ASTN2: variants seen among roughly 807,000 people sequenced by gnomAD.
ASTN2 encodes astrotactin 2, also known as astrotactin-2.
In ASTN2, 54 loss-of-function variants were observed where a neutral mutation model predicts 139.8. That is an observed-to-expected ratio of 0.39 (90% CI 0.31 to 0.48). ASTN2 has a LOEUF of 0.48. ASTN2 is among the 20% of genes least tolerant of loss of function. The pLI is 0.95. For synonymous variants in ASTN2, 756 were observed against 719.5 expected (o/e 1.05, Z -0.81); for missense variants, 1,565 against 1,725.1 (o/e 0.91, Z 1.64).
chr9:116,737,600 C>T (rs2132132570), intron 13 of ASTN2, among the ~76,000 whole-genome samples: 1 of 99,058 alleles, frequency 1.0e-5, no homozygotes, highest in South Asian at 3.8e-4. Flanking sequence ...TGCTGTAGCT[C>T]ATGTGCCAAC....
In ASTN2 at chr9:117,414,968, C is replaced by T. The variant is rs868857795; in HGVS notation, c.-30G>A. 1 of 239,208 alleles carries T rather than the reference C, an allele frequency of 4.2e-6. No individual in the cohort carries two copies. The highest frequency in any genetic ancestry group is 7.2e-6 in the Non-Finnish European group (1 of 138,564). The allele number at this position is 239,208 out of a possible 1,614,324, so 14.8% of individuals were successfully genotyped here. Reference sequence around the variant, plus strand: ...GGAGGGGCTGCGGTGCTGCGGGCGGCGGCGGCGGTGGCGGCGGTGGCGAAG... The same window carrying T: ...GGAGGGGCTGCGGTGCTGCGGGCGGTGGCGGCGGTGGCGGCGGTGGCGAAG... On this transcript the variant is annotated 5_prime_UTR_variant, in exon 1 of 23. Coordinates refer to ENST00000313400, the MANE Select transcript of ASTN2 (RefSeq NM_001365068.1). The surrounding 1 kb of genome is among the most constrained non-coding windows in gnomAD (Gnocchi z 4.2).
In ASTN2 at chr9:116,856,507, T is replaced by C. The variant is rs78578614; in HGVS notation, c.2040+7076A>G. ...TTTTGTTCCTTTAATTACACTGCAA[T>C]TGAGTCATTAAGAGGGGGAAAGGAT... is the stretch of plus-strand genomic sequence containing the variant. On this transcript the variant is annotated intron_variant, in intron 11 of 22. Coordinates refer to ENST00000313400, the MANE Select transcript of ASTN2 (RefSeq NM_001365068.1). Among the ~76,000 whole-genome samples, 96 of 152,230 alleles carry C rather than the reference T, an allele frequency of 6.3e-4. No homozygotes were observed. The East Asian group carries it at 0.018, about 29-fold the overall frequency.
intron 17 of ASTN2, among the ~76,000 whole-genome samples, chr9:116,625,932 G>A (rs985791302): frequency 3.3e-5 from 5 of 151,952 alleles, no homozygotes; most frequent in African/African-American, 1.2e-4. Context: ...TTATTTGTGT[G>A]TCCTCGCCTA....
chr9:116,697,795 T>A (rs1860942622), intron 16 of ASTN2: 1 of 1,614,058 alleles, frequency 6.2e-7, no homozygotes, highest in Non-Finnish European at 8.5e-7. Context: ...CGGGAAGTGC[T>A]AGAATGCCCC....
chr9:116,976,878 GC>G (rs1836355637), intron 7 of ASTN2, 93 bp from the exon 8 acceptor site: 1 of 1,142,108 alleles, frequency 8.8e-7, no homozygotes, highest in African/African-American at 1.5e-5. Context: ...CATAAAGTGA[GC>G]TGCTTAGTTT....
At chr9:116,973,427 C>G (rs1018533302) in intron 10 of ASTN2, among the ~76,000 whole-genome samples, 1 of 152,118 alleles carries the variant, frequency 6.6e-6, no homozygotes, top group Non-Finnish European at 1.5e-5. Context: ...ACAGTTCACA[C>G]TTGGTAGAGA....
intron 6 of ASTN2, among the ~76,000 whole-genome samples, chr9:117,028,039 T>C (rs1838146787): frequency 6.6e-6 from 1 of 152,118 alleles, no homozygotes; most frequent in African/African-American, 2.4e-5. Context: ...CCAAATCCCA[T>C]GTTCTTTCCC....
At chr9:117,128,177 C>T (rs1438351387) in intron 4 of ASTN2, among the ~76,000 whole-genome samples, 1 of 151,928 alleles carries the variant, frequency 6.6e-6, no homozygotes, top group South Asian at 2.1e-4. Flanking sequence ...CAGGGTCTGA[C>T]ATTCTGGCCA....
At chr9:116,482,649 G>A (rs763210828) in intron 20 of ASTN2, among the ~76,000 whole-genome samples, 86 of 151,916 alleles carry the variant, frequency 5.7e-4, no homozygotes, top group Admixed American at 2.2e-3. Context: ...ACTTGCTGTC[G>A]GACTCCCAAC....
At position 116,556,340 on chromosome 9, in the gene ASTN2, T is replaced by C. The variant is rs564955990; in HGVS notation, c.3355+61984A>G. ...ATGGTTTTTAAGCTGTAGGGCTCTT[T>C]AAAAGTGCCCAGAGGGCTGGACATG... On this transcript the variant is annotated intron_variant, in intron 19 of 22. Transcript: ENST00000313400. Among the ~76,000 whole-genome samples, 42 of 152,198 alleles carry C rather than the reference T, an allele frequency of 2.8e-4. No homozygotes were observed. In the South Asian group the frequency reaches 5.6e-3, roughly 20 times the overall value.
chr9:116,904,149 G>A (rs1457222539), intron 10 of ASTN2, among the ~76,000 whole-genome samples: 1 of 152,186 alleles, frequency 6.6e-6, no homozygotes, highest in Non-Finnish European at 1.5e-5. Context: ...GAGGACAGGA[G>A]TAGAGACTCC....
intron 10 of ASTN2, among the ~76,000 whole-genome samples, chr9:116,911,937 T>C (rs994179787): frequency 2.0e-5 from 3 of 151,758 alleles, no homozygotes; most frequent in African/African-American, 7.3e-5. Context: ...TGTATTATTA[T>C]CTCTGTAATT....
intron 10 of ASTN2, among the ~76,000 whole-genome samples, chr9:116,952,125 TTTTAG>T (rs951792629): frequency 6.6e-6 from 1 of 152,198 alleles, no homozygotes; most frequent in Non-Finnish European, 1.5e-5. Flanking sequence ...TGTAACTGCC[TTTTAG>T]TTTATTCTTA....
chr9:116,964,228 T>G (rs895318961), intron 10 of ASTN2, among the ~76,000 whole-genome samples: 1 of 120,220 alleles, frequency 8.3e-6, no homozygotes, highest in African/African-American at 3.0e-5. Flanking sequence ...TGTGTGTGTG[T>G]GTGTGTGTGT....
intron 19 of ASTN2, among the ~76,000 whole-genome samples, chr9:116,591,093 G>A (rs1270740732): frequency 1.3e-5 from 2 of 152,228 alleles, no homozygotes; most frequent in Non-Finnish European, 2.9e-5. Flanking sequence ...CACAAACAGG[G>A]TTGAAAGACA....
chr9:117,130,089 T>G (rs1160284331), intron 4 of ASTN2, among the ~76,000 whole-genome samples: 1 of 152,118 alleles, frequency 6.6e-6, no homozygotes, highest in Non-Finnish European at 1.5e-5. Context: ...AGCAGATCCC[T>G]TGAGCTCAGG....
intron 10 of ASTN2, among the ~76,000 whole-genome samples, chr9:116,924,821 C>G (rs1027899964): frequency 3.3e-5 from 5 of 152,114 alleles, no homozygotes; most frequent in Admixed American, 3.3e-4. Context: ...GTCTTTATGA[C>G]CTGGATCTTG....
chr9:117,151,183 A>G (rs550219521), intron 3 of ASTN2, among the ~76,000 whole-genome samples: 1 of 152,124 alleles, frequency 6.6e-6, no homozygotes, highest in Non-Finnish European at 1.5e-5. Context: ...AAAAAAAACA[A>G]GTAACAAAAA....
At chr9:116,571,232 T>G (rs1377565897) in intron 19 of ASTN2, among the ~76,000 whole-genome samples, 5 of 152,168 alleles carry the variant, frequency 3.3e-5, no homozygotes, top group Non-Finnish European at 5.9e-5. Flanking sequence ...AGCCATCAAG[T>G]CTATGTGGTT....
Sources: gnomAD v4.1 joint callset for allele counts (sites outside exome capture counted in the v4.1 genomes callset) on GRCh38, gnomAD v4.1.1 for gene constraint, Gnocchi (gnomAD v3.1) non-coding constraint, MANE v1.5 for transcripts, NCBI Gene and HGNC (gene_info 2026-07-23, HGNC 2026-07-21) for gene names.